Variants in AFM observed in about 807,000 individuals in gnomAD.
AFM encodes alpha-Alb.
A neutral mutation model predicts 68.7 loss-of-function variants in AFM; 82 were observed. The ratio of observed to expected loss-of-function variants is 1.19; its 90% confidence interval spans 1.00 to 1.43. The LOEUF (loss-of-function observed/expected upper bound fraction) is 1.43. AFM is among the 40% of genes most tolerant of loss of function. The pLI is 0.00. For missense variants in AFM, 772 were observed against 701.8 expected, an observed-to-expected ratio of 1.10 and a Z score of -1.13; for synonymous variants, 250 against 234.2, an observed-to-expected ratio of 1.07 and a Z score of -0.61.
At chr4:73,487,700 A>G (rs976769500) in intron 5 of AFM, 24 bp from the exon 6 acceptor site, 1 of 1,491,072 alleles carries the variant, frequency 6.7e-7, no homozygotes. Flanking sequence ...ATTGTTTCAA[A>G]AGAATTTTCT....
In AFM at chr4:73,485,742, G is replaced by A. The variant is rs1379253174; in HGVS notation, c.271-120G>A. On this transcript the variant is annotated intron_variant, in intron 3 of 14. Coordinates refer to ENST00000226355, the MANE Select transcript of AFM (RefSeq NM_001133.2). The stretch of plus-strand genomic sequence containing the variant: ...AGGGGAAGGGGAAGGAGAGGAGTAG[G>A]AGAAAGAGAAGGAGCTCTGTTGGTA... 4.1e-6 allele frequency: 3 copies of A among 735,364 alleles called. No homozygotes were observed. In the African/African-American group the frequency reaches 5.3e-5, roughly 13 times the overall value. The allele number at this position is 735,364 out of a possible 1,614,324, so 45.6% of individuals were successfully genotyped here.
chr4:73,492,783 A>G (rs1465666723), intron 8 of AFM, among the ~76,000 whole-genome samples: 1 of 143,250 alleles, frequency 7.0e-6, no homozygotes, highest in Non-Finnish European at 1.5e-5. Flanking sequence ...CGACAGAGTG[A>G]GACTGTCTCA....
intron 8 of AFM, 59 bp downstream of exon 8, chr4:73,492,145 C>G: frequency 6.8e-7 from 1 of 1,471,642 alleles, no homozygotes; most frequent in Non-Finnish European, 9.3e-7. Context: ...TAAGATTTGA[C>G]TTTTGTTGCT....
In AFM at chr4:73,487,064, G is replaced by A. The variant is rs200232878; in HGVS notation, c.580G>A (p.Glu194Lys). 6.2e-6 allele frequency: 10 copies of A among 1,613,866 alleles called. No individual in the cohort carries two copies. The highest frequency in any genetic ancestry group is 1.3e-5 in the African/African-American group (1 of 74,910). The change falls in exon 5 of 15, where the codon GAA becomes AAA. Residue 194 changes from glutamate (E) to lysine (K), a missense_variant. Coordinates refer to ENST00000226355, the MANE Select transcript of AFM (RefSeq NM_001133.2). ...HFEEVAKSCC[E>K]EQNKVNCLQT... ...TGAGGAGGTGGCCAAATCATGTTGT[G>A]AAGAACAAAACAAAGTCAACTGCCT...
chr4:73,494,726 C>T (rs1366786202), intron 8 of AFM, among the ~76,000 whole-genome samples: 1 of 152,190 alleles, frequency 6.6e-6, no homozygotes, highest in Non-Finnish European at 1.5e-5. Context: ...CCTTCTTCCT[C>T]TCTCTTTCTT....
intron 13 of AFM, among the ~76,000 whole-genome samples, chr4:73,502,157 T>A (rs537438983): frequency 3.1e-4 from 47 of 152,326 alleles, no homozygotes; most frequent in African/African-American, 1.1e-3. Context: ...TTGTAAGTCA[T>A]GCAACTTAAA....
chr4:73,502,668 C>G (rs916120858), intron 13 of AFM, among the ~76,000 whole-genome samples: 3 of 152,210 alleles, frequency 2.0e-5, no homozygotes, highest in Non-Finnish European at 4.4e-5. Flanking sequence ...GGCAGACAAA[C>G]TCACACACGT....
intron 6 of AFM, among the ~76,000 whole-genome samples, chr4:73,488,344 C>T (rs1406960952): frequency 6.6e-6 from 1 of 152,048 alleles, no homozygotes; most frequent in Non-Finnish European, 1.5e-5. Flanking sequence ...GAAGTGGTGG[C>T]CTTACACAGC....
chr4:73,484,039 C>G, intron 2 of AFM, 50 bp downstream of exon 2: 1 of 1,458,520 alleles, frequency 6.9e-7, no homozygotes, highest in Non-Finnish European at 9.3e-7. Flanking sequence ...ATGATATATT[C>G]TAGAAATGTT....
chr4:73,499,853 C>T (rs193238370), intron 11 of AFM, 151 bp from the exon 12 acceptor site: 10 of 607,074 alleles, frequency 1.6e-5, no homozygotes, highest in Non-Finnish European at 8.2e-6. Flanking sequence ...TCTAGTTTTA[C>T]TTGTATATAG....
At chr4:73,502,175 G>A (rs1721439616) in intron 13 of AFM, among the ~76,000 whole-genome samples, 1 of 152,140 alleles carries the variant, frequency 6.6e-6, no homozygotes, top group Non-Finnish European at 1.5e-5. Context: ...AAACTGAATG[G>A]CAATTAACTA....
chr4:73,486,961 T>G lies in AFM; in HGVS notation c.483-6T>G. The G allele has an allele frequency of 3.7e-6, 6 of 1,610,792 alleles. No individual in the cohort carries two copies. The highest frequency in any genetic ancestry group is 5.1e-6 in the Non-Finnish European group (6 of 1,178,300). On this transcript the variant is annotated splice_polypyrimidine_tract_variant and splice_region_variant and intron_variant, in intron 4 of 14. Coordinates refer to ENST00000226355, the MANE Select transcript of AFM (RefSeq NM_001133.2). ...GTCTTCTCTCTTTCATTTTTATTTT[T>G]TATAGCTTTTTATATGAAGTTGCCA... is the stretch of plus-strand genomic sequence containing the variant.
chr4:73,486,129 T>C, intron 4 of AFM, 56 bp downstream of exon 4: 1 of 1,370,052 alleles, frequency 7.3e-7, no homozygotes, highest in South Asian at 1.2e-5. Flanking sequence ...TTAGGCTGAA[T>C]CTAATATCTA....
In AFM at chr4:73,485,989, T is replaced by C. The variant is rs781541914; in HGVS notation, c.398T>C (p.Val133Ala). 1 of 1,614,070 alleles carries C rather than the reference T, an allele frequency of 6.2e-7. No individual in the cohort carries two copies. The highest frequency in any genetic ancestry group is 8.5e-7 in the Non-Finnish European group (1 of 1,179,978). ...LCFFYNKKSD[V>A]GFLPPFPTLD... ...TTCTTCTATAACAAGAAATCTGATG[T>C]GGGATTTCTGCCTCCTTTCCCTACC... Residue 133 changes from valine to alanine, a missense_variant, in exon 4 of 15, where the codon GTG becomes GCG. Coordinates refer to ENST00000226355, the MANE Select transcript of AFM (RefSeq NM_001133.2).
At position 73,485,994 on chromosome 4, in the gene AFM, T is replaced by A. The variant is rs746440955; in HGVS notation, c.403T>A (p.Phe135Ile). 1 of 1,613,942 alleles carries A rather than the reference T, an allele frequency of 6.2e-7. No homozygotes were observed. The highest frequency in any genetic ancestry group is 8.5e-7 in the Non-Finnish European group (1 of 1,179,976). The change falls in exon 4 of 15, where the codon TTT becomes ATT. Residue 135 changes from phenylalanine (F) to isoleucine (I), a missense_variant. By Grantham distance (21) the Phe-to-Ile change is conservative. Transcript: ENST00000226355. ...CTATAACAAGAAATCTGATGTGGGA[T>A]TTCTGCCTCCTTTCCCTACCCTGGA... ...FFYNKKSDVG[F>I]LPPFPTLDPE...
Position 73,488,695 on chromosome 4 carries a change from A to G in AFM, c.779A>G (p.Glu260Gly), listed in dbSNP as rs773410861. The change falls in exon 7 of 15, where the codon GAA (glutamate) becomes GGA (glycine). Residue 260 changes from glutamate (E) to glycine (G), a missense_variant. Physicochemically the swap from Glu to Gly is moderately conservative, Grantham distance 98. Coordinates refer to ENST00000226355, the MANE Select transcript of AFM (RefSeq NM_001133.2). ...IEFKELISLV[E>G]DVSSNYDGCC... ...TTTAAGGAGCTTATTTCTCTTGTAG[A>G]AGATGTTTCTTCCAACTATGATGGA... is the stretch of plus-strand genomic sequence containing the variant. 6.2e-7 allele frequency: 1 copy of G among 1,613,280 alleles called. No individual in the cohort carries two copies. Among genetic ancestry groups the G allele is most frequent in the Non-Finnish European group, 8.5e-7 (1 of 1,179,414 alleles).
At chr4:73,499,685 C>T (rs984704797) in intron 11 of AFM, among the ~76,000 whole-genome samples, 7 of 151,968 alleles carry the variant, frequency 4.6e-5, no homozygotes, top group African/African-American at 1.7e-4. Flanking sequence ...GGGAAGAAAC[C>T]CCTGTACCAC....
rs1423966808 is a variant in AFM, at chr4:73,484,482, C to A, written c.270+92C>A. The stretch of plus-strand genomic sequence containing the variant: ...TCTTTCTTTCTTTCTTTCTTTCTTT[C>A]TTTCTTTCTTTCTTTCTTTCTTTCA... On this transcript the variant is annotated intron_variant, in intron 3 of 14. Transcript: ENST00000226355. 4 of 677,096 alleles carry A rather than the reference C, an allele frequency of 5.9e-6. No individual in the cohort carries two copies. The African/African-American group carries it at 6.0e-5, about 10-fold the overall frequency. The allele number at this position is 677,096 out of a possible 1,614,324, so 41.9% of individuals were successfully genotyped here.
At chr4:73,491,817 A>T in intron 7 of AFM, 55 bp from the exon 8 acceptor site, 1 of 1,474,104 alleles carries the variant, frequency 6.8e-7, no homozygotes, top group Non-Finnish European at 9.4e-7. Context: ...TCATTCCATA[A>T]TGGAAGAAAA....
Sources: gnomAD v4.1 joint callset for allele counts (sites outside exome capture counted in the v4.1 genomes callset) on GRCh38, gnomAD v4.1.1 for gene constraint, MANE v1.5 for transcripts, NCBI Gene and HGNC (gene_info 2026-07-23, HGNC 2026-07-21) for gene names.